NGF: variants seen among roughly 807,000 people sequenced by gnomAD.
The protein encoded by NGF is beta-nerve growth factor.
NGF carries 4 observed loss-of-function variants against 12.8 expected under a neutral mutation model. That is an observed-to-expected ratio of 0.31 (90% CI 0.15 to 0.72). NGF has a LOEUF of 0.72. NGF is among the 30% of genes least tolerant of loss of function. The pLI, the probability that NGF is intolerant of heterozygous loss-of-function variation, is 0.69. For synonymous variants in NGF, 140 were observed against 130.0 expected, an observed-to-expected ratio of 1.08 and a Z score of -0.52; for missense variants, 283 against 330.8, an observed-to-expected ratio of 0.86 and a Z score of 1.12.
chr1:115,299,741 C>T (rs1653977814), intron 1 of NGF, among the ~76,000 whole-genome samples: 1 of 152,168 alleles, frequency 6.6e-6, no homozygotes, highest in Non-Finnish European at 1.5e-5. Flanking sequence ...ATTTTTCAAA[C>T]TTTTCTGAGA....
rs546607368 is a variant in NGF, at chr1:115,336,506, G to T, written c.-137+1698C>A. Among the ~76,000 whole-genome samples, 72 of 152,236 alleles carry T rather than the reference G, an allele frequency of 4.7e-4. 2 individuals are homozygous for T. The South Asian group carries it at 0.015, about 31-fold the overall frequency. ...TAGGCCAGTCTCAGCCCCCAGACCC[G>T]CCTGTCTCCTCTGACCCTCTGGAAA... is the stretch of plus-strand genomic sequence containing the variant. On this transcript the variant is annotated intron_variant, in intron 1 of 2. Transcript: ENST00000369512.
At chr1:115,315,738 T>A (rs1206701098) in intron 1 of NGF, among the ~76,000 whole-genome samples, 5 of 152,170 alleles carry the variant, frequency 3.3e-5, no homozygotes, top group Non-Finnish European at 7.3e-5. Flanking sequence ...TTGGTAAATA[T>A]GTAGTAGCAT....
At chr1:115,294,688 G>A (rs1653809603) in intron 1 of NGF, among the ~76,000 whole-genome samples, 1 of 152,224 alleles carries the variant, frequency 6.6e-6, no homozygotes, top group Non-Finnish European at 1.5e-5. Flanking sequence ...TGAGGAGATG[G>A]CCTTCAAGTT....
chr1:115,293,677 G>C lies in NGF; in HGVS notation c.-63C>G, dbSNP rs1653776445. Reference sequence around the variant, plus strand: ...GCTCCCTTGGTAAAACTGTTATTGGGTCCGGACGCTGAGCTGAGCTTGGGT... The same window carrying C: ...GCTCCCTTGGTAAAACTGTTATTGGCTCCGGACGCTGAGCTGAGCTTGGGT... On this transcript the variant is annotated 5_prime_UTR_variant, in exon 2 of 3. Coordinates refer to ENST00000369512, the MANE Select transcript of NGF (RefSeq NM_002506.3). 1 of 152,824 alleles carries C rather than the reference G, an allele frequency of 6.5e-6. No homozygotes were observed. The highest frequency in any genetic ancestry group is 2.4e-5 in the African/African-American group (1 of 41,446). The allele number at this position is 152,824 out of a possible 1,614,324, so 9.5% of individuals were successfully genotyped here.
At chr1:115,286,884 G>A in intron 2 of NGF, 77 bp from the exon 3 acceptor site, 1 of 1,556,422 alleles carries the variant, frequency 6.4e-7, no homozygotes, top group East Asian at 2.2e-5. Context: ...GTCCCTCAGA[G>A]TTGACCTCCC....
chr1:115,337,267 G>GTTTGTTTGTTTTTTTTTT lies in NGF; in HGVS notation c.-137+936_-137+937insAAAAAAAAAACAAACAAA. ...TCGAAATTTTTTTTGTTTTGTTTTT[G>GTTTGTTTGTTTTTTTTTT]TTTTTTTTTTTTTTTTTTTTTTTTT... On this transcript the variant is annotated intron_variant, in intron 1 of 2. Transcript: ENST00000369512. Among the ~76,000 whole-genome samples the GTTTGTTTGTTTTTTTTTT allele has an allele frequency of 2.8e-4, 23 of 81,028 alleles. 1 individual carries two copies. Among genetic ancestry groups the GTTTGTTTGTTTTTTTTTT allele is most frequent in the African/African-American group, 1.2e-3 (22 of 18,892 alleles). The allele number at this position is 81,028 out of a possible 152,430, so 53.2% of individuals were successfully genotyped here.
In NGF at chr1:115,298,950, C is replaced by T. The variant is rs572041442; in HGVS notation, c.-136-5200G>A. 4.6e-5 allele frequency among the ~76,000 whole-genome samples: 7 copies of T among 152,224 alleles called. No individual in the cohort carries two copies. The East Asian group carries it at 1.4e-3, about 30-fold the overall frequency. On this transcript the variant is annotated intron_variant, in intron 1 of 2. Transcript: ENST00000369512. Reference sequence around the variant, plus strand: ...GATCTTCCTGGCTGTAGCCATTCCCCTCAATTCTCCCATCTCTCTGTTAGT... The same window carrying T: ...GATCTTCCTGGCTGTAGCCATTCCCTTCAATTCTCCCATCTCTCTGTTAGT...
intron 1 of NGF, among the ~76,000 whole-genome samples, chr1:115,312,836 T>C (rs566472439): frequency 5.3e-5 from 8 of 152,162 alleles, no homozygotes; most frequent in Non-Finnish European, 1.0e-4. Flanking sequence ...TGGTCAAACA[T>C]ATTTGGGAAC....
intron 1 of NGF, among the ~76,000 whole-genome samples, chr1:115,310,906 GA>G (rs1411067009): frequency 1.3e-5 from 2 of 152,054 alleles, no homozygotes; most frequent in Non-Finnish European, 2.9e-5. Context: ...GGCGGAGTGG[GA>G]GGAGGAGGAG....
chr1:115,291,993 G>A (rs1653716227), intron 2 of NGF, among the ~76,000 whole-genome samples: 1 of 152,138 alleles, frequency 6.6e-6, no homozygotes, highest in African/African-American at 2.4e-5. Context: ...AAATTCTTGT[G>A]GCCAAGGAAA....
Position 115,326,049 on chromosome 1 carries a change from G to A in NGF, c.-137+12155C>T, listed in dbSNP as rs567273581. Among the ~76,000 whole-genome samples the A allele has an allele frequency of 5.4e-4, 82 of 152,176 alleles. 2 individuals are homozygous for A. In the Middle Eastern group the frequency reaches 0.014, roughly 25 times the overall value. On this transcript the variant is annotated intron_variant, in intron 1 of 2. Transcript: ENST00000369512. ...GATCCAGGCTGGAAATGAACATCCG[G>A]AAGTCGTAGATCGTAGCTCATGCCT... is the stretch of plus-strand genomic sequence containing the variant.
chr1:115,329,820 GC>G (rs1464577544), intron 1 of NGF, among the ~76,000 whole-genome samples: 1 of 147,968 alleles, frequency 6.8e-6, no homozygotes, highest in Non-Finnish European at 1.5e-5. Flanking sequence ...CATGATCATG[GC>G]TCACTGCAGC....
chr1:115,304,492 A>G (rs946421130), intron 1 of NGF, among the ~76,000 whole-genome samples: 1 of 151,752 alleles, frequency 6.6e-6, no homozygotes, highest in Admixed American at 6.6e-5. Flanking sequence ...AAAACCAGGT[A>G]AGGAATTATG....
chr1:115,319,415 A>G (rs1215274025), intron 1 of NGF, among the ~76,000 whole-genome samples: 1 of 152,148 alleles, frequency 6.6e-6, no homozygotes, highest in Non-Finnish European at 1.5e-5. Context: ...ATGTACTCGC[A>G]CACACACATA....
chr1:115,286,906 G>A (rs1653529298), intron 2 of NGF, 99 bp from the exon 3 acceptor site: 4 of 1,441,374 alleles, frequency 2.8e-6, no homozygotes, highest in Non-Finnish European at 3.9e-6. Context: ...AGGGGATCAC[G>A]AAGAGGTTTC....
In NGF at chr1:115,286,373, C is replaced by T. The variant is rs1653501883; in HGVS notation, c.423G>A (p.Val141=). The T allele has an allele frequency of 1.2e-6, 2 of 1,613,990 alleles. No individual in the cohort carries two copies. The highest frequency in any genetic ancestry group is 1.7e-6 in the Non-Finnish European group (2 of 1,180,010). ...GEFSVCDSVS[V]WVGDKTTATD... ...TGGCGGTGGTCTTATCCCCAACCCA[C>T]ACGCTGACACTGTCACACACCGAGA... Residue 141 remains valine (V), a synonymous_variant, in exon 3 of 3, where the codon GTG becomes GTA. Transcript: ENST00000369512.
intron 1 of NGF, among the ~76,000 whole-genome samples, chr1:115,323,877 A>T (rs905318848): frequency 1.3e-5 from 2 of 152,182 alleles, no homozygotes; most frequent in Non-Finnish European, 2.9e-5. Context: ...GACCCTGACC[A>T]TACCCTTTCT....
At chr1:115,324,359 C>T (rs1654711812) in intron 1 of NGF, among the ~76,000 whole-genome samples, 1 of 152,124 alleles carries the variant, frequency 6.6e-6, no homozygotes, top group African/African-American at 2.4e-5. Context: ...GATTTTGTCC[C>T]TTATCTGCCT....
intron 1 of NGF, among the ~76,000 whole-genome samples, chr1:115,329,519 T>TA (rs574342132): frequency 5.3e-4 from 80 of 151,962 alleles, no homozygotes; most frequent in African/African-American, 1.8e-3. Flanking sequence ...TGACTTATAG[T>TA]AAAAAAAATG....
Sources: allele counts gnomAD v4.1 joint callset (sites outside exome capture counted in the v4.1 genomes callset), GRCh38; gene constraint gnomAD v4.1.1; transcripts MANE v1.5; gene names NCBI Gene and HGNC (gene_info 2026-07-23, HGNC 2026-07-21).